The following STX16 variants were observed in gnomAD, a reference collection of about 807,000 sequenced individuals.
STX16 encodes the protein syntaxin 16.
STX16 carries 28 observed loss-of-function variants against 42.7 expected under a neutral mutation model. The ratio of observed to expected loss-of-function variants is 0.66; its 90% CI spans 0.49 to 0.90. The LOEUF (loss-of-function observed/expected upper bound fraction) is 0.90. Among genes scored for constraint, STX16 ranks in the 40% least tolerant of loss-of-function variants. The pLI, the probability that STX16 is intolerant of heterozygous loss-of-function variation, is 0.00. For synonymous variants in STX16, 156 were observed against 155.2 expected (o/e 1.00, Z -0.04); for missense variants, 361 against 420.9 (o/e 0.86, Z 1.24).
In STX16 at chr20:58,669,395, G is replaced by A. The variant is rs760049283; in HGVS notation, c.498G>A (p.Ala166=). 13 of 1,611,772 alleles carry A rather than the reference G, an allele frequency of 8.1e-6. No homozygotes were observed. The highest frequency in any genetic ancestry group is 2.7e-5 in the African/African-American group (2 of 74,836). The change falls in exon 5 of 9, where the codon GCG becomes GCA. Residue 166 remains alanine, a synonymous_variant. Coordinates refer to ENST00000371141, the MANE Select transcript of STX16 (RefSeq NM_001001433.3). The part of the protein sequence containing the change: ...RLLGNVVASL[A]QALQELSTSF... ...TTGGGAACGTGGTGGCCTCGCTGGCGCAGGCCCTGCAGGAACTCTCCACCA... is the reference window on the plus strand; with the variant it reads ...TTGGGAACGTGGTGGCCTCGCTGGCACAGGCCCTGCAGGAACTCTCCACCA...
At chr20:58,665,090 G>A (rs552650246) in intron 2 of STX16, among the ~76,000 whole-genome samples, 10 of 152,314 alleles carry the variant, frequency 6.6e-5, no homozygotes, top group African/African-American at 2.2e-4. Context: ...TTTTTAGTCA[G>A]TGTGTCCTCC....
chr20:58,670,049 C>T (rs76661424), intron 5 of STX16, among the ~76,000 whole-genome samples: 1 of 152,152 alleles, frequency 6.6e-6, no homozygotes, highest in African/African-American at 2.4e-5. Context: ...TCCCCACATA[C>T]TCCAAAAAAC....
chr20:58,651,969 C>T lies in STX16; in HGVS notation c.-38C>T. 1 of 1,607,154 alleles carries T rather than the reference C, an allele frequency of 6.2e-7. No homozygotes were observed. Among genetic ancestry groups the T allele is most frequent in the South Asian group, 1.1e-5 (1 of 90,876 alleles). On this transcript the variant is annotated 5_prime_UTR_variant, in exon 1 of 9. Coordinates refer to ENST00000371141, the MANE Select transcript of STX16 (RefSeq NM_001001433.3). ...TGAATAAATCAGGAATATAAGTGGG[C>T]GGGGGGCCCCTGAGAGGGGGGTCGC...
At chr20:58,670,283 ATT>A (rs968906650) in intron 5 of STX16, among the ~76,000 whole-genome samples, 6 of 152,300 alleles carry the variant, frequency 3.9e-5, no homozygotes, top group Middle Eastern at 3.4e-3. Context: ...AATTGTGCAC[ATT>A]TACACTGTGA....
At chr20:58,652,550 G>T (rs1341945298) in intron 1 of STX16, among the ~76,000 whole-genome samples, 1 of 152,122 alleles carries the variant, frequency 6.6e-6, no homozygotes, top group Non-Finnish European at 1.5e-5. Flanking sequence ...GGGCTGGGTC[G>T]CCGGATCGTA....
intron 4 of STX16, 39 bp from the exon 5 acceptor site, chr20:58,669,252 C>T (rs1260288701): frequency 6.2e-7 from 1 of 1,602,422 alleles, no homozygotes; most frequent in East Asian, 2.2e-5. Context: ...AGGGGCTTCT[C>T]TCCCAGGCTT....
At chr20:58,656,111 C>CATTAA (rs1568812967) in intron 1 of STX16, among the ~76,000 whole-genome samples, 1 of 152,200 alleles carries the variant, frequency 6.6e-6, no homozygotes. Flanking sequence ...TGTCCTTAGG[C>CATTAA]AAGCCTTTAA....
At chr20:58,664,297 A>G (rs1376051149) in intron 2 of STX16, among the ~76,000 whole-genome samples, 1 of 152,222 alleles carries the variant, frequency 6.6e-6, no homozygotes, top group Non-Finnish European at 1.5e-5. Flanking sequence ...TTTTAATAGT[A>G]CATACTGTGA....
chr20:58,659,974 C>T (rs983841301), intron 2 of STX16, among the ~76,000 whole-genome samples: 9 of 152,142 alleles, frequency 5.9e-5, no homozygotes, highest in African/African-American at 1.4e-4. Flanking sequence ...AGAAGTGAGT[C>T]GTGCACTTCC....
intron 5 of STX16, among the ~76,000 whole-genome samples, chr20:58,669,818 T>A (rs1171551724): frequency 6.6e-6 from 1 of 152,218 alleles, no homozygotes; most frequent in Non-Finnish European, 1.5e-5. Flanking sequence ...AAAAAGCAGT[T>A]GTTATTACTG....
intron 1 of STX16, among the ~76,000 whole-genome samples, chr20:58,655,187 AAC>A (rs1408474390): frequency 1.3e-5 from 2 of 151,130 alleles, no homozygotes; most frequent in African/African-American, 4.9e-5. Flanking sequence ...CACCTAAAAT[AAC>A]AGACTTTTTA....
At position 58,669,284 on chromosome 20, in the gene STX16, C is replaced by A; in HGVS notation, c.394-7C>A. The A allele has an allele frequency of 6.2e-7, 1 of 1,609,644 alleles. No homozygotes were observed. Among genetic ancestry groups the A allele is most frequent in the South Asian group, 1.1e-5 (1 of 90,942 alleles). ...GCTTGCCCTGAGCCTCGGGCTTGTTCTCTTAGCTCTTCCACAGGTGCCAGC... is the reference window on the plus strand; with the variant it reads ...GCTTGCCCTGAGCCTCGGGCTTGTTATCTTAGCTCTTCCACAGGTGCCAGC... On this transcript the variant is annotated splice_region_variant and splice_polypyrimidine_tract_variant and intron_variant, in intron 4 of 8. Coordinates refer to ENST00000371141, the MANE Select transcript of STX16 (RefSeq NM_001001433.3).
At chr20:58,661,673 G>T (rs2083703641) in intron 2 of STX16, among the ~76,000 whole-genome samples, 2 of 152,348 alleles carry the variant, frequency 1.3e-5, no homozygotes, top group South Asian at 4.1e-4. Flanking sequence ...GGATCACTCA[G>T]CTGGTTGTGA....
intron 4 of STX16, among the ~76,000 whole-genome samples, chr20:58,668,549 G>T (rs2083895174): frequency 6.6e-6 from 1 of 151,996 alleles, no homozygotes; most frequent in Admixed American, 6.6e-5. Flanking sequence ...AATAGGACTA[G>T]TGTTGAAACC....
intron 7 of STX16, 57 bp from the exon 8 acceptor site, chr20:58,673,574 C>T (rs1204659278): frequency 2.4e-5 from 28 of 1,176,436 alleles, no homozygotes; most frequent in South Asian, 2.1e-4. Context: ...TCATTTTTGA[C>T]GTTCAGTTTT....
At chr20:58,663,906 G>A (rs890400100) in intron 2 of STX16, among the ~76,000 whole-genome samples, 3 of 152,084 alleles carry the variant, frequency 2.0e-5, no homozygotes, top group Admixed American at 6.5e-5. Context: ...TTGAACTCCC[G>A]ACCTCAGGCA....
At position 58,668,125 on chromosome 20, in the gene STX16, C is replaced by G; in HGVS notation, c.391C>G (p.Gln131Glu). Residue 131 changes from glutamine (Q) to glutamate (E), a missense_variant and splice_region_variant, in exon 4 of 9, where the codon CAG becomes GAG. Gln to Glu is a conservative substitution (Grantham distance 29). Coordinates refer to ENST00000371141, the MANE Select transcript of STX16 (RefSeq NM_001001433.3). ...AIEITTQEIT[Q>E]LFHRCQRAVQ... The stretch of plus-strand genomic sequence containing the variant: ...TGAGATAACTACCCAAGAGATCACT[C>G]AGGTGAGGAGTGCAAGTGAGTCCTG... 1 of 1,614,204 alleles carries G rather than the reference C, an allele frequency of 6.2e-7. No individual in the cohort carries two copies. Among genetic ancestry groups the G allele is most frequent in the Non-Finnish European group, 8.5e-7 (1 of 1,180,024 alleles).
At chr20:58,670,944 G>T (rs987675987) in intron 6 of STX16, among the ~76,000 whole-genome samples, 2 of 152,154 alleles carry the variant, frequency 1.3e-5, no homozygotes, top group African/African-American at 4.8e-5. Context: ...CCCTGCTATG[G>T]CCTCAGAGCT....
chr20:58,671,037 A>G (rs755805652), intron 6 of STX16, 117 bp from the exon 7 acceptor site: 9 of 1,074,840 alleles, frequency 8.4e-6, no homozygotes, highest in Non-Finnish European at 1.0e-5. Context: ...AAATATTTTC[A>G]GAATTCATTT....
Sources: allele counts gnomAD v4.1 joint callset (sites outside exome capture counted in the v4.1 genomes callset), GRCh38; gene constraint gnomAD v4.1.1; transcripts MANE v1.5; gene names NCBI Gene and HGNC (gene_info 2026-07-23, HGNC 2026-07-21).